TNFRSF11A: variants seen among roughly 807,000 people sequenced by gnomAD.
TNFRSF11A encodes the protein tumor necrosis factor receptor superfamily member 11A.
Under a neutral mutation model 55.7 loss-of-function variants are expected in TNFRSF11A, and 32 were observed. The observed-to-expected ratio is 0.57, with a 90% CI of 0.43 to 0.77. The LOEUF (loss-of-function observed/expected upper bound fraction) is 0.77. TNFRSF11A is among the 30% of genes least tolerant of loss of function. The pLI is 0.00. For missense variants in TNFRSF11A, 753 were observed against 809.8 expected, an observed-to-expected ratio of 0.93 and a Z score of 0.85; for synonymous variants, 311 against 331.0, an observed-to-expected ratio of 0.94 and a Z score of 0.65.
chr18:62,340,466 G>T (rs1355767162), intron 1 of TNFRSF11A, among the ~76,000 whole-genome samples: 2 of 151,392 alleles, frequency 1.3e-5, no homozygotes, highest in Admixed American at 6.6e-5. Context: ...AAATGCTGGG[G>T]TTACAGGCGT....
chr18:62,350,050 G>T, intron 3 of TNFRSF11A, 113 bp downstream of exon 3: 1 of 1,479,636 alleles, frequency 6.8e-7, no homozygotes, highest in African/African-American at 1.4e-5. Flanking sequence ...AACATGAAAG[G>T]AAGTTGTGAC....
In TNFRSF11A at chr18:62,387,025, T is replaced by G. The variant is rs1305012576; in HGVS notation, c.*1991T>G. ...CCGAGTTTCTGCTGTGACTGTCATC[T>G]CACTGAGCACTTCGCTTTTCTTTGC... On this transcript the variant is annotated 3_prime_UTR_variant, in exon 10 of 10. Coordinates refer to ENST00000586569, the MANE Select transcript of TNFRSF11A (RefSeq NM_003839.4). The G allele has an allele frequency of 2.0e-5, 3 of 152,220 alleles. No homozygotes were observed. The highest frequency in any genetic ancestry group is 4.4e-5 in the Non-Finnish European group (3 of 68,042). 9.4% of individuals were successfully genotyped at this position (152,220 alleles called of 1,614,324 possible). A position where few individuals can be genotyped will look rare whatever the true frequency, so the allele number is the denominator to read the frequency against.
chr18:62,340,039 C>T (rs983157996), intron 1 of TNFRSF11A, among the ~76,000 whole-genome samples: 4 of 151,900 alleles, frequency 2.6e-5, no homozygotes, highest in Non-Finnish European at 5.9e-5. Flanking sequence ...CTTGTAGTCC[C>T]AGCTACTCAG....
In TNFRSF11A at chr18:62,385,681, C is replaced by G. The variant is rs1325480108; in HGVS notation, c.*647C>G. On this transcript the variant is annotated 3_prime_UTR_variant, in exon 10 of 10. Coordinates refer to ENST00000586569, the MANE Select transcript of TNFRSF11A (RefSeq NM_003839.4). ...CCGACTCCCCCCCCAGAGACACGGT[C>G]CCACCATGTTACCCAGCCTGGTCTC... 6.7e-6 allele frequency: 1 copy of G among 149,304 alleles called. No individual in the cohort carries two copies. Among genetic ancestry groups the G allele is most frequent in the Non-Finnish European group, 1.5e-5 (1 of 66,898 alleles). 9.2% of individuals were successfully genotyped at this position (149,304 alleles called of 1,614,324 possible).
chr18:62,344,930 C>G (rs1278522681), intron 1 of TNFRSF11A, among the ~76,000 whole-genome samples: 8 of 152,234 alleles, frequency 5.3e-5, no homozygotes, highest in Non-Finnish European at 7.3e-5. Context: ...TAACGGGAAA[C>G]TGAGCCCAAG....
intron 9 of TNFRSF11A, among the ~76,000 whole-genome samples, chr18:62,379,806 G>A (rs1418824072): frequency 6.6e-6 from 1 of 152,174 alleles, no homozygotes; most frequent in South Asian, 2.1e-4. Flanking sequence ...TTGAACATGA[G>A]GGAAACATAT....
intron 2 of TNFRSF11A, 100 bp from the exon 3 acceptor site, chr18:62,349,712 G>T: frequency 7.3e-7 from 1 of 1,361,950 alleles, no homozygotes; most frequent in Non-Finnish European, 1.0e-6. Flanking sequence ...AATGATTATT[G>T]GTCCCATAGA....
In TNFRSF11A at chr18:62,375,087, T is replaced by G. The variant is rs372259681; in HGVS notation, c.1567+5603T>G. ...ACCCTGCTAATTTTTGTGTGTGTGT[T>G]TTTTTTTTTTTAGAGACTGAGTTTC... is the stretch of plus-strand genomic sequence containing the variant. On this transcript the variant is annotated intron_variant, in intron 9 of 9. Coordinates refer to ENST00000586569, the MANE Select transcript of TNFRSF11A (RefSeq NM_003839.4). Among the ~76,000 whole-genome samples, 379 of 144,834 alleles carry G rather than the reference T, an allele frequency of 2.6e-3. 5 individuals carry two copies. Among genetic ancestry groups the G allele is most frequent in the East Asian group, 0.022 (109 of 5,034 alleles).
At chr18:62,350,415 C>A (rs763453703) in intron 3 of TNFRSF11A, among the ~76,000 whole-genome samples, 5 of 152,168 alleles carry the variant, frequency 3.3e-5, no homozygotes, top group Admixed American at 2.0e-4. Flanking sequence ...GCCTCAGCCT[C>A]CTGAGTAGCT....
chr18:62,384,669 C>T, intron 9 of TNFRSF11A, 82 bp from the exon 10 acceptor site: 1 of 1,538,274 alleles, frequency 6.5e-7, no homozygotes, highest in Non-Finnish European at 8.8e-7. Context: ...CCGCCCTCCA[C>T]TCCCCGGAAC....
rs193097787 is a variant in TNFRSF11A, at chr18:62,370,465, A to G, written c.1567+981A>G. Reference sequence around the variant, plus strand: ...GATGCTTTTTCTTCTCTGCTTCTTTATTTAGACTGCAAGTGGTGCTAGCAG... The same window carrying G: ...GATGCTTTTTCTTCTCTGCTTCTTTGTTTAGACTGCAAGTGGTGCTAGCAG... On this transcript the variant is annotated intron_variant, in intron 9 of 9. Transcript: ENST00000586569. Among the ~76,000 whole-genome samples, 417 of 152,240 alleles carry G rather than the reference A, an allele frequency of 2.7e-3. 3 individuals carry two copies. Among genetic ancestry groups the G allele is most frequent in the Middle Eastern group, 6.8e-3 (2 of 294 alleles).
At chr18:62,366,842 A>ACCCCCC (rs34939126) in intron 8 of TNFRSF11A, 82 bp downstream of exon 8, 11 of 1,186,616 alleles carry the variant, frequency 9.3e-6, no homozygotes, top group Non-Finnish European at 1.1e-5. Context: ...CATATTGAGC[A>ACCCCCC]CCCCCCCCCA....
intron 9 of TNFRSF11A, among the ~76,000 whole-genome samples, chr18:62,377,544 G>A (rs889727401): frequency 2.0e-5 from 3 of 152,132 alleles, no homozygotes; most frequent in African/African-American, 4.8e-5. Context: ...CCCCATGCTC[G>A]CCAGCATTTG....
intron 2 of TNFRSF11A, 51 bp downstream of exon 2, chr18:62,348,300 C>A: frequency 6.6e-7 from 1 of 1,525,808 alleles, no homozygotes; most frequent in Non-Finnish European, 9.1e-7. Flanking sequence ...GTGGGTGAGG[C>A]TTTCATTATT....
chr18:62,332,648 A>G (rs931985401), intron 1 of TNFRSF11A, among the ~76,000 whole-genome samples: 21 of 152,088 alleles, frequency 1.4e-4, no homozygotes, highest in African/African-American at 5.1e-4. Flanking sequence ...TAATATTTCT[A>G]TTGTTGAAGA....
chr18:62,374,453 A>C (rs1206974425), intron 9 of TNFRSF11A, among the ~76,000 whole-genome samples: 1 of 152,248 alleles, frequency 6.6e-6, no homozygotes, highest in Non-Finnish European at 1.5e-5. Flanking sequence ...GTTTTTTAAA[A>C]AATTCCAAAA....
intron 3 of TNFRSF11A, among the ~76,000 whole-genome samples, chr18:62,351,892 G>A (rs1385085196): frequency 6.6e-6 from 1 of 152,172 alleles, no homozygotes; most frequent in African/African-American, 2.4e-5. Context: ...GGCCTCCCGG[G>A]TTCAAACGAT....
intron 1 of TNFRSF11A, among the ~76,000 whole-genome samples, chr18:62,342,614 A>G (rs1018589052): frequency 7.9e-5 from 12 of 152,110 alleles, no homozygotes; most frequent in African/African-American, 2.7e-4. Flanking sequence ...GCCATGATCC[A>G]GAATAGAAAG....
chr18:62,359,709 G>A (rs1311238019), intron 5 of TNFRSF11A, among the ~76,000 whole-genome samples: 1 of 152,150 alleles, frequency 6.6e-6, no homozygotes, highest in Non-Finnish European at 1.5e-5. Context: ...ACTCTGCTCT[G>A]CTCCTTTGCT....
Sources: allele counts gnomAD v4.1 joint callset (sites outside exome capture counted in the v4.1 genomes callset), GRCh38; gene constraint gnomAD v4.1.1; transcripts MANE v1.5; gene names NCBI Gene and HGNC (gene_info 2026-07-23, HGNC 2026-07-21).